The following PHC3 variants were observed in gnomAD, a reference collection of about 807,000 sequenced individuals.
The protein encoded by PHC3 is polyhomeotic homolog 3, also known as polyhomeotic-like protein 3.
In PHC3, 13 loss-of-function variants were observed where a neutral mutation model predicts 107.4. The observed-to-expected ratio is 0.12, with a 90% CI of 0.08 to 0.19. The LOEUF (loss-of-function observed/expected upper bound fraction) is 0.19, where lower values mean the gene tolerates loss of function less well. Ranked by LOEUF, PHC3 falls within the 10% of genes least tolerant of loss-of-function variation. The pLI is 1.00. For missense variants in PHC3, 992 were observed against 1,210.9 expected (o/e 0.82, Z 2.68); for synonymous variants, 456 against 427.4 (o/e 1.07, Z -0.83).
At chr3:170,131,798 T>C (rs1252985004) in intron 7 of PHC3, among the ~76,000 whole-genome samples, 1 of 152,066 alleles carries the variant, frequency 6.6e-6, no homozygotes, top group Non-Finnish European at 1.5e-5. Flanking sequence ...GATCGTGCCA[T>C]TGCACTCCAG....
In PHC3 at chr3:170,178,898, G is replaced by T; in HGVS notation, c.55C>A (p.Pro19Thr). Reference sequence around the variant, plus strand: ...GTTGTTGACACAGAAGATGTTCCCGGGTTTGGTTCAGTATCCATAGCTGTA... The same window carrying T: ...GTTGTTGACACAGAAGATGTTCCCGTGTTTGGTTCAGTATCCATAGCTGTA... Reference protein sequence around the residue: ...HSTAMDTEPNPGTSSVSTTTS... With the variant: ...HSTAMDTEPNTGTSSVSTTTS... The change falls in exon 2 of 15, where the codon CCG becomes ACG. Residue 19 changes from proline (P) to threonine (T), a missense_variant. Physicochemically the swap from Pro to Thr is conservative, Grantham distance 38. Coordinates refer to ENST00000495893, the MANE Select transcript of PHC3 (RefSeq NM_024947.4). The T allele has an allele frequency of 6.2e-7, 1 of 1,613,882 alleles. No individual in the cohort carries two copies. Among genetic ancestry groups the T allele is most frequent in the Non-Finnish European group, 8.5e-7 (1 of 1,179,850 alleles).
intron 6 of PHC3, among the ~76,000 whole-genome samples, chr3:170,139,807 A>G (rs1560082654): frequency 6.6e-6 from 1 of 152,194 alleles, no homozygotes; most frequent in Non-Finnish European, 1.5e-5. Flanking sequence ...AAAAGATAAC[A>G]TATACGGATT....
At chr3:170,132,597 A>T (rs1383875420) in intron 7 of PHC3, among the ~76,000 whole-genome samples, 2 of 152,238 alleles carry the variant, frequency 1.3e-5, no homozygotes, top group East Asian at 3.8e-4. Flanking sequence ...ACTCAAGGCC[A>T]TGTGAGGACA....
At chr3:170,103,585 T>A (rs1278868799) in intron 12 of PHC3, among the ~76,000 whole-genome samples, 1 of 152,198 alleles carries the variant, frequency 6.6e-6, no homozygotes, top group African/African-American at 2.4e-5. Context: ...TTATAAGACA[T>A]GATGACAGCT....
chr3:170,181,662 C>T, intron 1 of PHC3, 40 bp downstream of exon 1: 1 of 1,613,188 alleles, frequency 6.2e-7, no homozygotes, highest in Non-Finnish European at 8.5e-7. Flanking sequence ...CCCAACTCGC[C>T]CCCCCTAGTT....
At chr3:170,098,062 ATGAGCTTGC>A (rs1714869249) in intron 14 of PHC3, among the ~76,000 whole-genome samples, 1 of 152,174 alleles carries the variant, frequency 6.6e-6, no homozygotes, top group Non-Finnish European at 1.5e-5. Flanking sequence ...CATTGAAATT[ATGAGCTTGC>A]TGGCGAATTT....
chr3:170,155,878 T>C (rs1203867416), intron 4 of PHC3, among the ~76,000 whole-genome samples: 1 of 152,202 alleles, frequency 6.6e-6, no homozygotes, highest in Non-Finnish European at 1.5e-5. Context: ...TGTATATATA[T>C]AATGCCTTCT....
intron 8 of PHC3, among the ~76,000 whole-genome samples, chr3:170,126,920 GT>G (rs200960962): frequency 2.0e-5 from 3 of 149,452 alleles, no homozygotes; most frequent in Non-Finnish European, 4.5e-5. Context: ...CTATAAAGAA[GT>G]TTTTTTTTGT....
At chr3:170,122,109 G>C (rs914798416) in intron 9 of PHC3, among the ~76,000 whole-genome samples, 3 of 152,114 alleles carry the variant, frequency 2.0e-5, no homozygotes, top group Admixed American at 2.0e-4. Flanking sequence ...AATTAGCCAA[G>C]TGTGCTGGAA....
chr3:170,095,407 T>C lies in PHC3; in HGVS notation c.*1823A>G, dbSNP rs1217348838. On this transcript the variant is annotated 3_prime_UTR_variant, in exon 15 of 15. Coordinates refer to ENST00000495893, the MANE Select transcript of PHC3 (RefSeq NM_024947.4). ...ACTACACAAAGAATTCCACAAAGCA[T>C]ACATTCAAACAAGAGGCATCTAAAG... The C allele has an allele frequency of 6.6e-6, 1 of 152,082 alleles. No individual in the cohort carries two copies. The highest frequency in any genetic ancestry group is 2.4e-5 in the African/African-American group (1 of 41,430). The allele number at this position is 152,082 out of a possible 1,614,324, so 9.4% of individuals were successfully genotyped here. A position where few individuals can be genotyped will look rare whatever the true frequency, so the allele number is the denominator to read the frequency against.
At chr3:170,109,472 A>G (rs541246142) in intron 11 of PHC3, among the ~76,000 whole-genome samples, 1 of 152,178 alleles carries the variant, frequency 6.6e-6, no homozygotes, top group East Asian at 1.9e-4. Flanking sequence ...CTAAGGAACT[A>G]CCACATAAGC....
At position 170,095,938 on chromosome 3, in the gene PHC3, A is replaced by C. The variant is rs1043755866; in HGVS notation, c.*1292T>G. 1 of 152,214 alleles carries C rather than the reference A, an allele frequency of 6.6e-6. No individual in the cohort carries two copies. Among genetic ancestry groups the C allele is most frequent in the African/African-American group, 2.4e-5 (1 of 41,462 alleles). 9.4% of individuals were successfully genotyped at this position (152,214 alleles called of 1,614,324 possible). On this transcript the variant is annotated 3_prime_UTR_variant, in exon 15 of 15. Coordinates refer to ENST00000495893, the MANE Select transcript of PHC3 (RefSeq NM_024947.4). ...AAGCATGCAAACGTTTGGTAAAGGAAGTAGGAATGTGCATTCTAGCTAGTC... is the reference window on the plus strand; with the variant it reads ...AAGCATGCAAACGTTTGGTAAAGGACGTAGGAATGTGCATTCTAGCTAGTC...
In PHC3 at chr3:170,087,919, GCTTT is replaced by G. The variant is rs1383228919; in HGVS notation, c.*9307_*9310del. The stretch of plus-strand genomic sequence containing the variant: ...TACACATGCTACTTAATATGAAAGT[GCTTT>G]CTCTTTTTTAAAAAAATACACCAAA... On this transcript the variant is annotated 3_prime_UTR_variant, in exon 15 of 15. Transcript: ENST00000495893. 6.6e-6 allele frequency: 1 copy of G among 152,050 alleles called. No homozygotes were observed. The allele number at this position is 152,050 out of a possible 1,614,324, so 9.4% of individuals were successfully genotyped here.
At chr3:170,171,052 A>T in intron 4 of PHC3, 1 of 378,062 alleles carries the variant, frequency 2.6e-6, no homozygotes, top group Non-Finnish European at 4.6e-6. Context: ...TATCACAGTA[A>T]ATTCATGGCC....
At position 170,094,118 on chromosome 3, in the gene PHC3, A is replaced by T. The variant is rs937787383; in HGVS notation, c.*3112T>A. The T allele has an allele frequency of 6.6e-6, 1 of 152,194 alleles. No individual in the cohort carries two copies. The highest frequency in any genetic ancestry group is 1.5e-5 in the Non-Finnish European group (1 of 68,030). The allele number at this position is 152,194 out of a possible 1,614,324, so 9.4% of individuals were successfully genotyped here. On this transcript the variant is annotated 3_prime_UTR_variant, in exon 15 of 15. Transcript: ENST00000495893. ...TTCTGTTTAGAGCATTCAACAGCAA[A>T]GTAACAGGACCATCAGGGAAATAAT... is the stretch of plus-strand genomic sequence containing the variant.
At chr3:170,137,031 T>C (rs1487644900) in intron 6 of PHC3, among the ~76,000 whole-genome samples, 1 of 152,178 alleles carries the variant, frequency 6.6e-6, no homozygotes, top group Non-Finnish European at 1.5e-5. Flanking sequence ...GTGTGTATTA[T>C]ATATGTATGA....
At chr3:170,148,763 A>C (rs1725423693) in intron 5 of PHC3, 2 of 179,248 alleles carry the variant, frequency 1.1e-5, no homozygotes, top group South Asian at 3.0e-4. Context: ...CAGTTATAAA[A>C]TGCATCCAAA....
At chr3:170,103,080 T>C (rs918681600) in intron 12 of PHC3, 146 bp from the exon 13 acceptor site, 13 of 839,796 alleles carry the variant, frequency 1.5e-5, no homozygotes, top group African/African-American at 3.4e-5. Context: ...GTAACTACAC[T>C]GTTCAATGGA....
chr3:170,175,813 A>T (rs1235874858), intron 2 of PHC3, among the ~76,000 whole-genome samples: 4 of 150,984 alleles, frequency 2.6e-5, no homozygotes. Flanking sequence ...AGTCCCAGCT[A>T]CTCAGGAGGC....
Sources: gnomAD v4.1 joint callset for allele counts (sites outside exome capture counted in the v4.1 genomes callset) on GRCh38, gnomAD v4.1.1 for gene constraint, MANE v1.5 for transcripts, NCBI Gene and HGNC (gene_info 2026-07-23, HGNC 2026-07-21) for gene names.